The following CAMTA1 variants were observed in gnomAD, a reference collection of about 807,000 sequenced individuals.
CAMTA1 encodes calmodulin-binding transcription activator 1.
CAMTA1 carries 27 observed loss-of-function variants against 170.9 expected under a neutral mutation model. The observed-to-expected ratio is 0.16, with a 90% confidence interval of 0.12 to 0.22. The LOEUF (loss-of-function observed/expected upper bound fraction) is 0.22. Among genes scored for constraint, CAMTA1 ranks in the 10% least tolerant of loss-of-function variants. The pLI, the probability that CAMTA1 is intolerant of heterozygous loss-of-function variation, is 1.00. For synonymous variants in CAMTA1, 833 were observed against 891.5 expected, an observed-to-expected ratio of 0.93 and a Z score of 1.17; for missense variants, 1,619 against 2,217.2, an observed-to-expected ratio of 0.73 and a Z score of 5.42.
intron 22 of CAMTA1, among the ~76,000 whole-genome samples, chr1:7,763,538 T>G (rs1349307799): frequency 1.3e-5 from 2 of 152,224 alleles, no homozygotes; most frequent in Non-Finnish European, 2.9e-5. Flanking sequence ...ACTTGACAAC[T>G]TTAAAACCTT....
chr1:7,759,136 G>A (rs1039113604), intron 22 of CAMTA1, among the ~76,000 whole-genome samples: 4 of 151,854 alleles, frequency 2.6e-5, no homozygotes, highest in African/African-American at 7.3e-5. Flanking sequence ...ACAACAGAGT[G>A]AGACCCTGTC....
chr1:7,655,523 C>G (rs1223402994), intron 7 of CAMTA1, among the ~76,000 whole-genome samples: 1 of 79,522 alleles, frequency 1.3e-5, no homozygotes, highest in Non-Finnish European at 2.8e-5. Context: ...TATGTACACA[C>G]CCACACACAT....
chr1:7,586,932 T>G (rs1384259752), intron 6 of CAMTA1, among the ~76,000 whole-genome samples: 2 of 151,866 alleles, frequency 1.3e-5, no homozygotes, highest in African/African-American at 4.9e-5. Context: ...GGAGGGGTTG[T>G]GCCACTCAAG....
intron 6 of CAMTA1, among the ~76,000 whole-genome samples, chr1:7,522,293 TC>T (rs2094376272): frequency 6.6e-6 from 1 of 152,242 alleles, no homozygotes; most frequent in African/African-American, 2.4e-5. Flanking sequence ...CTGTATATCA[TC>T]TTTGCCGAGA....
At chr1:7,329,422 T>C (rs2082885333) in intron 5 of CAMTA1, among the ~76,000 whole-genome samples, 1 of 152,242 alleles carries the variant, frequency 6.6e-6, no homozygotes, top group African/African-American at 2.4e-5. Flanking sequence ...GACACCAAGC[T>C]TAGAACCAAG....
chr1:6,901,479 G>A (rs1382036120), intron 3 of CAMTA1, among the ~76,000 whole-genome samples: 4 of 152,136 alleles, frequency 2.6e-5, no homozygotes, highest in African/African-American at 4.8e-5. Flanking sequence ...TAAAACATAC[G>A]TCTAATAAGG....
chr1:7,086,734 G>A (rs181120116), intron 3 of CAMTA1, among the ~76,000 whole-genome samples: 17 of 152,330 alleles, frequency 1.1e-4, no homozygotes, highest in Non-Finnish European at 2.2e-4. Flanking sequence ...TGTAGTAGCC[G>A]GTATTAGAAC....
At chr1:7,382,144 C>T (rs1053706432) in intron 5 of CAMTA1, among the ~76,000 whole-genome samples, 1 of 152,198 alleles carries the variant, frequency 6.6e-6, no homozygotes, top group African/African-American at 2.4e-5. Flanking sequence ...AATGCAATTG[C>T]AGTCACATCT....
At chr1:6,895,977 A>AT (rs756622836) in intron 3 of CAMTA1, among the ~76,000 whole-genome samples, 118 of 152,254 alleles carry the variant, frequency 7.8e-4, no homozygotes, top group Middle Eastern at 3.4e-3. Context: ...TGTTCTGAGT[A>AT]GTTAGATGTA....
At chr1:6,879,541 T>A (rs1366392862) in intron 3 of CAMTA1, among the ~76,000 whole-genome samples, 3 of 152,328 alleles carry the variant, frequency 2.0e-5, no homozygotes, top group African/African-American at 7.2e-5. Context: ...TCTAATTTGG[T>A]TCAAGACCTG....
chr1:7,719,127 A>G (rs1356751011), intron 11 of CAMTA1, among the ~76,000 whole-genome samples: 1 of 152,120 alleles, frequency 6.6e-6, no homozygotes, highest in Non-Finnish European at 1.5e-5. Flanking sequence ...TTTGTGCTTC[A>G]TGCCAATTAG....
chr1:7,109,696 C>T (rs543469883), intron 4 of CAMTA1, among the ~76,000 whole-genome samples: 36 of 152,278 alleles, frequency 2.4e-4, no homozygotes, highest in Non-Finnish European at 3.2e-4. Flanking sequence ...CACAGACCAC[C>T]GATCAAGATG....
At chr1:7,176,625 AT>A (rs1188628277) in intron 4 of CAMTA1, among the ~76,000 whole-genome samples, 1 of 152,148 alleles carries the variant, frequency 6.6e-6, no homozygotes, top group Non-Finnish European at 1.5e-5. Flanking sequence ...TGGGTTAGCC[AT>A]TGGGATAGAC....
chr1:7,455,228 A>G lies in CAMTA1; in HGVS notation c.439-12602A>G, dbSNP rs1017217543. Among the ~76,000 whole-genome samples the G allele has an allele frequency of 2.6e-5, 4 of 152,292 alleles. No individual in the cohort carries two copies. In the East Asian group the frequency reaches 7.7e-4, roughly 29 times the overall value. ...TCTAGTGCAGGAGCCGCGGCTCGGC[A>G]TGGTTCTGCGTGTGTGTTTCCGACA... On this transcript the variant is annotated intron_variant, in intron 5 of 22. Transcript: ENST00000303635. The surrounding 1 kb of genome is among the most constrained non-coding windows in gnomAD (Gnocchi z 5.0).
At chr1:7,423,931 G>A (rs927421826) in intron 5 of CAMTA1, among the ~76,000 whole-genome samples, 2 of 152,106 alleles carry the variant, frequency 1.3e-5, no homozygotes, top group African/African-American at 2.4e-5. Flanking sequence ...TCAACCAGGC[G>A]GCCAACTCTT....
Position 7,011,424 on chromosome 1 carries a change from C to T in CAMTA1, c.235-79880C>T, listed in dbSNP as rs191475451. ...TAAGCTTCTAGACCCTCAGCCCTGC[C>T]GGCATGCCCATTCCCATCTTTCTAG... On this transcript the variant is annotated intron_variant, in intron 3 of 22. Transcript: ENST00000303635. Among the ~76,000 whole-genome samples the T allele has an allele frequency of 1.5e-4, 23 of 152,248 alleles. No homozygotes were observed. In the East Asian group the frequency reaches 1.5e-3, roughly 10 times the overall value.
chr1:7,752,413 G>T (rs1432832175), intron 20 of CAMTA1, 46 bp from the exon 21 acceptor site: 1 of 1,545,966 alleles, frequency 6.5e-7, no homozygotes, highest in African/African-American at 1.4e-5. Context: ...TCCATATTGG[G>T]CTTTACTGTA....
At chr1:6,864,642 T>A (rs970070429) in intron 3 of CAMTA1, among the ~76,000 whole-genome samples, 5 of 152,176 alleles carry the variant, frequency 3.3e-5, no homozygotes, top group Admixed American at 3.3e-4. Flanking sequence ...GACATGTCGT[T>A]GCCTCTGCTT....
intron 3 of CAMTA1, among the ~76,000 whole-genome samples, chr1:7,084,541 C>T (rs1315045988): frequency 6.6e-6 from 1 of 152,216 alleles, no homozygotes; most frequent in African/African-American, 2.4e-5. Flanking sequence ...CGGGAGCCTC[C>T]CCACACACTG....
Sources: allele counts gnomAD v4.1 joint callset (sites outside exome capture counted in the v4.1 genomes callset), GRCh38; gene constraint gnomAD v4.1.1; non-coding constraint Gnocchi (gnomAD v3.1); transcripts MANE v1.5; gene names NCBI Gene and HGNC (gene_info 2026-07-23, HGNC 2026-07-21).